Variants in KIAA0825 observed in about 807,000 individuals in gnomAD.
The protein encoded by KIAA0825 is uncharacterized protein KIAA0825.
In KIAA0825, 119 loss-of-function variants were observed where a neutral mutation model predicts 147.6. The ratio of observed to expected loss-of-function variants is 0.81; its 90% CI spans 0.69 to 0.94. The LOEUF is 0.94. Ranked by LOEUF, KIAA0825 falls within the 40% of genes least tolerant of loss-of-function variation. The pLI, the probability that KIAA0825 is intolerant of heterozygous loss-of-function variation, is 0.00. For synonymous variants in KIAA0825, 470 were observed against 518.1 expected (o/e 0.91, Z 1.26); for missense variants, 1,381 against 1,472.7 (o/e 0.94, Z 1.02).
chr5:94,523,629 G>A (rs1768654409), intron 4 of KIAA0825, among the ~76,000 whole-genome samples: 1 of 151,332 alleles, frequency 6.6e-6, no homozygotes, highest in Non-Finnish European at 1.5e-5. Flanking sequence ...AGACAGCTGT[G>A]ATACACATCA....
intron 20 of KIAA0825, among the ~76,000 whole-genome samples, chr5:94,375,457 G>C (rs1232891143): frequency 6.6e-6 from 1 of 152,064 alleles, no homozygotes. Context: ...CTCCACTCCA[G>C]GTGTTATTAA....
chr5:94,353,506 A>G (rs961042296), intron 20 of KIAA0825, among the ~76,000 whole-genome samples: 22 of 152,214 alleles, frequency 1.4e-4, no homozygotes, highest in Admixed American at 1.0e-3. Context: ...GAACATTTCC[A>G]TATTATTTTG....
rs1490046367 is a variant in KIAA0825 at position 94,462,448 on chromosome 5, G to A, written c.2185C>T (p.His729Tyr). The A allele has an allele frequency of 4.6e-6, 7 of 1,509,822 alleles. No homozygotes were observed. The Admixed American group carries it at 5.9e-5, about 13-fold the overall frequency. 93.5% of individuals were successfully genotyped at this position (1,509,822 alleles called of 1,614,324 possible). Reference sequence around the variant, plus strand: ...AATGTTGTAAACAGATTATTACAATGAGTGTGAATTTTAAAAATTTTATCA... The same window carrying A: ...AATGTTGTAAACAGATTATTACAATAAGTGTGAATTTTAAAAATTTTATCA... ...TDDKIFKIHT[H>Y]CNNLFTTLVI... The change falls in exon 12 of 21, where the codon CAT (histidine) becomes TAT (tyrosine). Residue 729 changes from histidine (H) to tyrosine (Y), a missense_variant. Physicochemically the swap from His to Tyr is moderately conservative, Grantham distance 83 (BLOSUM62 2). Coordinates refer to ENST00000682413, the MANE Select transcript of KIAA0825 (RefSeq NM_001145678.3).
At position 94,419,852 on chromosome 5, in the gene KIAA0825, T is replaced by C. The variant is rs1252863725; in HGVS notation, c.2498-2487A>G. On this transcript the variant is annotated intron_variant, in intron 14 of 20. Coordinates refer to ENST00000682413, the MANE Select transcript of KIAA0825 (RefSeq NM_001145678.3). ...GTTTAGGTCTGTTGTCCTGGTGTAA[T>C]TACTAGTAGCATCTTCTTTCACTTT... 5.3e-5 allele frequency among the ~76,000 whole-genome samples: 8 copies of C among 152,272 alleles called. No individual in the cohort carries two copies. In the South Asian group the frequency reaches 1.5e-3, roughly 28 times the overall value.
intron 16 of KIAA0825, among the ~76,000 whole-genome samples, chr5:94,399,846 AGGT>A: frequency 6.6e-6 from 1 of 152,264 alleles, no homozygotes; most frequent in East Asian, 1.9e-4. Flanking sequence ...ACAATAAAGG[AGGT>A]AAAGAAAATG....
At chr5:94,187,899 G>A (rs2149993399) in intron 20 of KIAA0825, among the ~76,000 whole-genome samples, 1 of 152,304 alleles carries the variant, frequency 6.6e-6, no homozygotes, top group South Asian at 2.1e-4. Context: ...TGGACTGGAT[G>A]TTTGTATTCC....
intron 3 of KIAA0825, among the ~76,000 whole-genome samples, chr5:94,533,319 G>A (rs1317277983): frequency 4.3e-5 from 5 of 115,586 alleles, no homozygotes; most frequent in East Asian, 2.6e-4. Flanking sequence ...CTCTGTTGCC[G>A]AGGCTGGAGT....
intron 1 of KIAA0825, among the ~76,000 whole-genome samples, chr5:94,599,518 G>T (rs1169863408): frequency 1.3e-5 from 2 of 151,568 alleles, no homozygotes; most frequent in Non-Finnish European, 2.9e-5. Flanking sequence ...AAAACTCAAA[G>T]TTGATCAAAA....
At chr5:94,252,700 A>G (rs1478302559) in intron 20 of KIAA0825, among the ~76,000 whole-genome samples, 2 of 152,040 alleles carry the variant, frequency 1.3e-5, no homozygotes, top group Non-Finnish European at 2.9e-5. Flanking sequence ...AGGGAACCTC[A>G]TTTTATGAAT....
chr5:94,452,885 A>C, intron 13 of KIAA0825, 74 bp downstream of exon 13: 1 of 765,272 alleles, frequency 1.3e-6, no homozygotes, highest in Non-Finnish European at 2.0e-6. Flanking sequence ...GTTTACATCC[A>C]TTGATAAAAA....
intron 20 of KIAA0825, among the ~76,000 whole-genome samples, chr5:94,285,003 A>G (rs991130263): frequency 1.3e-5 from 2 of 152,138 alleles, no homozygotes; most frequent in African/African-American, 4.8e-5. Context: ...GGTGTTTCAT[A>G]TTCAGGGGCT....
chr5:94,184,672 G>A (rs1769963388), intron 20 of KIAA0825, among the ~76,000 whole-genome samples: 1 of 152,086 alleles, frequency 6.6e-6, no homozygotes, highest in South Asian at 2.1e-4. Context: ...TTATTTTAAA[G>A]AAGATTAAAC....
intron 2 of KIAA0825, among the ~76,000 whole-genome samples, chr5:94,573,643 A>G (rs1351117938): frequency 6.6e-6 from 1 of 152,184 alleles, no homozygotes; most frequent in Non-Finnish European, 1.5e-5. Flanking sequence ...AGATCTTTAA[A>G]AGGTGCTAGA....
At chr5:94,599,920 C>T (rs1786049453) in intron 1 of KIAA0825, among the ~76,000 whole-genome samples, 1 of 152,128 alleles carries the variant, frequency 6.6e-6, no homozygotes, top group Admixed American at 6.5e-5. Flanking sequence ...AAGATCAATA[C>T]TGTCATGTGT....
intron 13 of KIAA0825, among the ~76,000 whole-genome samples, chr5:94,451,000 C>T (rs1480924455): frequency 6.6e-6 from 1 of 152,154 alleles, no homozygotes; most frequent in Non-Finnish European, 1.5e-5. Context: ...GCTGCCTATA[C>T]AGCACTTTGC....
intron 13 of KIAA0825, among the ~76,000 whole-genome samples, chr5:94,444,347 C>T (rs1201214881): frequency 6.6e-6 from 1 of 152,128 alleles, no homozygotes; most frequent in Non-Finnish European, 1.5e-5. Flanking sequence ...AATTACTATG[C>T]TGGTGAGGGT....
rs1372269522 is a variant in KIAA0825, at chr5:94,154,067, G to T, written c.3768C>A (p.His1256Gln). ...LEEEEKAILE[H>Q]LKQICTPQNS... Reference sequence around the variant, plus strand: ...TCTGTGGGGTGCAAATTTGTTTTAAGTGCTCCAGTATTGCTTTTTCTTCCT... The same window carrying T: ...TCTGTGGGGTGCAAATTTGTTTTAATTGCTCCAGTATTGCTTTTTCTTCCT... The change falls in exon 21 of 21, where the codon CAC (histidine) becomes CAA (glutamine). Residue 1256 changes from histidine to glutamine, a missense_variant. Coordinates refer to ENST00000682413, the MANE Select transcript of KIAA0825 (RefSeq NM_001145678.3). 6.4e-7 allele frequency: 1 copy of T among 1,551,708 alleles called. No individual in the cohort carries two copies. The highest frequency in any genetic ancestry group is 1.2e-5 in the South Asian group (1 of 84,056).
intron 5 of KIAA0825, among the ~76,000 whole-genome samples, chr5:94,496,137 C>T (rs186698830): frequency 5.8e-4 from 88 of 152,230 alleles, no homozygotes; most frequent in Non-Finnish European, 9.4e-4. Context: ...TGACAGCTCA[C>T]GGGGCAAATC....
At chr5:94,537,957 C>G (rs189046304) in intron 2 of KIAA0825, among the ~76,000 whole-genome samples, 1 of 152,172 alleles carries the variant, frequency 6.6e-6, no homozygotes, top group Non-Finnish European at 1.5e-5. Context: ...GGATACCTAA[C>G]TAAAAACTGA....
Sources: allele counts gnomAD v4.1 joint callset (sites outside exome capture counted in the v4.1 genomes callset), GRCh38; gene constraint gnomAD v4.1.1; transcripts MANE v1.5; gene names NCBI Gene and HGNC (gene_info 2026-07-23, HGNC 2026-07-21).